The following HHIPL1 variants were observed in gnomAD, a reference collection of about 807,000 sequenced individuals.
The protein encoded by HHIPL1 is HHIP-like protein 1.
HHIPL1 carries 43 observed loss-of-function variants against 61.8 expected under a neutral mutation model. The ratio of observed to expected loss-of-function variants is 0.70; its 90% CI spans 0.55 to 0.90. The LOEUF (loss-of-function observed/expected upper bound fraction) is 0.90. Among genes scored for constraint, HHIPL1 ranks in the 40% least tolerant of loss-of-function variants. The pLI is 0.00. For synonymous variants in HHIPL1, 482 were observed against 515.8 expected, an observed-to-expected ratio of 0.93 and a Z score of 0.89; for missense variants, 1,056 against 1,157.7, an observed-to-expected ratio of 0.91 and a Z score of 1.28.
the HHIPL1 span, among the ~76,000 whole-genome samples, chr14:99,637,000 GAAGAAAGAAAGAAAGAAAGAAAGA>G: frequency 3.8e-4 from 29 of 77,006 alleles, no homozygotes; most frequent in East Asian, 1.0e-3. Context: ...AAGAAAGAAA[GAAGAAAGAAAGAAAGAAAGAAAGA>G]AAGAAAGAAA....
At chr14:99,623,930 G>T in the HHIPL1 span, among the ~76,000 whole-genome samples, 1 of 152,196 alleles carries the variant, frequency 6.6e-6, no homozygotes, top group Non-Finnish European at 1.5e-5. Flanking sequence ...TAAATATTTT[G>T]TCTAGGAGAG....
intron 8 of HHIPL1, among the ~76,000 whole-genome samples, chr14:99,674,593 CCA>C (rs2056364719): frequency 6.6e-6 from 1 of 152,178 alleles, no homozygotes; most frequent in Non-Finnish European, 1.5e-5. Context: ...CCACTGGCCA[CCA>C]CAGACCCGCA....
chr14:99,632,983 G>A, the HHIPL1 span, among the ~76,000 whole-genome samples: 2 of 145,984 alleles, frequency 1.4e-5, no homozygotes, highest in African/African-American at 5.0e-5. Flanking sequence ...GCCTCATGGA[G>A]CTGAGACTCA....
the HHIPL1 span, among the ~76,000 whole-genome samples, chr14:99,604,829 T>C: frequency 6.6e-6 from 1 of 151,970 alleles, no homozygotes; most frequent in African/African-American, 2.4e-5. Context: ...CAGCGAACAA[T>C]AGGACTGTGA....
the HHIPL1 span, among the ~76,000 whole-genome samples, chr14:99,633,407 G>T: frequency 1.3e-5 from 2 of 152,238 alleles, no homozygotes; most frequent in African/African-American, 4.8e-5. Flanking sequence ...GAGGAACTGA[G>T]CAGAGCTGTT....
the HHIPL1 span, among the ~76,000 whole-genome samples, chr14:99,605,575 G>A: frequency 6.6e-6 from 1 of 152,254 alleles, no homozygotes; most frequent in Non-Finnish European, 1.5e-5. Context: ...GGGGGATTCT[G>A]CAGGGCACCG....
rs1423794667 is a variant in HHIPL1 at position 99,676,103 on chromosome 14, C to T, written c.*477C>T. 2 of 158,144 alleles carry T rather than the reference C, an allele frequency of 1.3e-5. No homozygotes were observed. The highest frequency in any genetic ancestry group is 2.4e-5 in the African/African-American group (1 of 41,670). 9.8% of individuals were successfully genotyped at this position (158,144 alleles called of 1,614,324 possible). A position where few individuals can be genotyped will look rare whatever the true frequency, so the allele number is the denominator to read the frequency against. On this transcript the variant is annotated 3_prime_UTR_variant, in exon 9 of 9. Coordinates refer to ENST00000330710, the MANE Select transcript of HHIPL1 (RefSeq NM_001127258.3). The stretch of plus-strand genomic sequence containing the variant: ...GGCCTGAGGAATGTGGCCCGGACAG[C>T]ATGGCCTGGTGCCCGCATCCCCCCC...
At position 99,668,272 on chromosome 14, in the gene HHIPL1, G is replaced by A. The variant is rs201483470; in HGVS notation, c.1699G>A (p.Gly567Arg). Reference sequence around the variant, plus strand: ...GGAGCCGAGTGCCACAGCTCCACGCGGAGTTGTCTACAAAATAATTGACGC... The same window carrying A: ...GGAGCCGAGTGCCACAGCTCCACGCAGAGTTGTCTACAAAATAATTGACGC... Reference protein sequence around the residue: ...TGEPSATAPRGVVYKIIDASR... With the variant: ...TGEPSATAPRRVVYKIIDASR... Residue 567 changes from glycine (G) to arginine (R), a missense_variant, in exon 7 of 9, where the codon GGA becomes AGA. Physicochemically the swap from Gly to Arg is moderately radical, Grantham distance 125. Coordinates refer to ENST00000330710, the MANE Select transcript of HHIPL1 (RefSeq NM_001127258.3). The surrounding 1 kb of genome is among the most constrained non-coding windows in gnomAD (Gnocchi z 4.7). 4.7e-4 allele frequency: 751 copies of A among 1,612,398 alleles called. 6 individuals carry two copies. The highest frequency in any genetic ancestry group is 1.5e-4 in the Non-Finnish European group (173 of 1,178,476).
the HHIPL1 span, among the ~76,000 whole-genome samples, chr14:99,633,765 C>T: frequency 2.6e-5 from 4 of 152,180 alleles, no homozygotes; most frequent in Non-Finnish European, 4.4e-5. Context: ...CAGCCTCCGC[C>T]TTCCCCATCT....
the HHIPL1 span, among the ~76,000 whole-genome samples, chr14:99,606,768 G>A: frequency 6.6e-6 from 1 of 152,148 alleles, no homozygotes; most frequent in Admixed American, 6.5e-5. Context: ...TAGTGGTGGT[G>A]GTACTGGGTG....
chr14:99,643,809 C>T (rs1250031904), upstream of HHIPL1, among the ~76,000 whole-genome samples: 1 of 152,164 alleles, frequency 6.6e-6, no homozygotes, highest in Non-Finnish European at 1.5e-5. Flanking sequence ...TCTGTCTGTG[C>T]AGAATCTCTG....
chr14:99,627,718 G>C, the HHIPL1 span, among the ~76,000 whole-genome samples: 2 of 152,218 alleles, frequency 1.3e-5, no homozygotes, highest in Admixed American at 6.5e-5. This position sits in a 1 kb window ranked among gnomAD's most constrained non-coding sequence, Gnocchi z 4.4. Context: ...ACTGAGTTGC[G>C]GGGAGCACTG....
intron 1 of HHIPL1, among the ~76,000 whole-genome samples, chr14:99,651,554 C>A (rs779271729): frequency 5.3e-5 from 8 of 152,162 alleles, no homozygotes; most frequent in Admixed American, 3.9e-4. Flanking sequence ...CTAAACCATG[C>A]GTGAGAACTC....
intron 8 of HHIPL1, 43 bp downstream of exon 8, chr14:99,672,442 C>A: frequency 6.7e-7 from 1 of 1,497,858 alleles, no homozygotes; most frequent in Non-Finnish European, 9.1e-7. Flanking sequence ...GGGGAGAGAT[C>A]CCGCAGCCCA....
At chr14:99,614,574 G>C in the HHIPL1 span, among the ~76,000 whole-genome samples, 1 of 152,166 alleles carries the variant, frequency 6.6e-6, no homozygotes, top group East Asian at 1.9e-4. Flanking sequence ...TCAGAATCTT[G>C]GGAGACAGTG....
At chr14:99,651,108 G>A (rs2055923027) in intron 1 of HHIPL1, among the ~76,000 whole-genome samples, 1 of 152,100 alleles carries the variant, frequency 6.6e-6, no homozygotes, top group African/African-American at 2.4e-5. Flanking sequence ...AATTAGCTAG[G>A]CGTGGTGGCT....
rs769530294 is a variant in HHIPL1 at position 99,652,728 on chromosome 14, A to G, written c.760A>G (p.Ile254Val). Residue 254 changes from isoleucine (I) to valine (V), a missense_variant, in exon 2 of 9, where the codon ATT becomes GTT. By Grantham distance (29) the Ile-to-Val change is conservative. Coordinates refer to ENST00000330710, the MANE Select transcript of HHIPL1 (RefSeq NM_001127258.3). The stretch of plus-strand genomic sequence containing the variant: ...GGGTGACGAGCGTGGCTTCCTGGGC[A>G]TTGCCTTCCACCCCAGCTTCCAGCA... ...WEGDERGFLG[I>V]AFHPSFQHNR... is the part of the protein sequence containing the mutation. 3.1e-6 allele frequency: 5 copies of G among 1,613,856 alleles called. No homozygotes were observed. In the African/African-American group the frequency reaches 4.0e-5, roughly 13 times the overall value.
the HHIPL1 span, among the ~76,000 whole-genome samples, chr14:99,619,930 C>T: frequency 5.8e-4 from 88 of 152,260 alleles, 1 homozygote; most frequent in Middle Eastern, 3.4e-3. Context: ...ATTTTCCCAC[C>T]CCCAATCCAC....
the HHIPL1 span, among the ~76,000 whole-genome samples, chr14:99,637,914 A>T: frequency 6.6e-6 from 1 of 152,130 alleles, no homozygotes; most frequent in Non-Finnish European, 1.5e-5. Flanking sequence ...CAGAGCCAGA[A>T]CTCGAACCCA....
Sources: allele counts gnomAD v4.1 joint callset (sites outside exome capture counted in the v4.1 genomes callset), GRCh38; gene constraint gnomAD v4.1.1; non-coding constraint Gnocchi (gnomAD v3.1); transcripts MANE v1.5; gene names NCBI Gene and HGNC (gene_info 2026-07-23, HGNC 2026-07-21).